MTUS2: variants seen among roughly 807,000 people sequenced by gnomAD.
MTUS2 encodes microtubule associated scaffold protein 2.
In MTUS2, 40 loss-of-function variants were observed where a neutral mutation model predicts 114.1. That is an observed-to-expected ratio of 0.35 (90% CI 0.27 to 0.46). The LOEUF (loss-of-function observed/expected upper bound fraction) is 0.46, where lower values mean the gene tolerates loss of function less well. MTUS2 is among the 20% of genes least tolerant of loss of function. The pLI, the probability that MTUS2 is intolerant of heterozygous loss-of-function variation, is 1.00. For synonymous variants in MTUS2, 688 were observed against 672.0 expected, an observed-to-expected ratio of 1.02 and a Z score of -0.37; for missense variants, 1,679 against 1,705.4, an observed-to-expected ratio of 0.98 and a Z score of 0.27.
At chr13:29,135,564 T>C (rs1891944062) in intron 5 of MTUS2, among the ~76,000 whole-genome samples, 2 of 152,184 alleles carry the variant, frequency 1.3e-5, no homozygotes, top group African/African-American at 4.8e-5. Context: ...AGTTCTGCCA[T>C]TTTGTTATTT....
chr13:29,063,772 T>C (rs1011176039), intron 4 of MTUS2, among the ~76,000 whole-genome samples: 1 of 152,224 alleles, frequency 6.6e-6, no homozygotes, highest in African/African-American at 2.4e-5. Context: ...TCAGTATTTC[T>C]GGTATAAGAA....
chr13:29,120,364 A>G (rs1220227841), intron 5 of MTUS2, among the ~76,000 whole-genome samples: 1 of 152,110 alleles, frequency 6.6e-6, no homozygotes, highest in Non-Finnish European at 1.5e-5. Flanking sequence ...TTGTAATAGT[A>G]AAATATATTT....
intron 5 of MTUS2, among the ~76,000 whole-genome samples, chr13:29,257,845 A>G (rs544336992): frequency 5.9e-5 from 9 of 152,314 alleles, no homozygotes; most frequent in African/African-American, 2.2e-4. Flanking sequence ...AGCATATAGT[A>G]GTGGATCCAT....
intron 5 of MTUS2, among the ~76,000 whole-genome samples, chr13:29,189,071 C>T (rs1894340786): frequency 1.3e-5 from 2 of 152,198 alleles, no homozygotes; most frequent in Admixed American, 6.5e-5. Context: ...GGAAGCTCCT[C>T]TGTGTCCAGC....
chr13:29,435,880 G>A (rs1294230697), intron 8 of MTUS2, among the ~76,000 whole-genome samples: 1 of 152,230 alleles, frequency 6.6e-6, no homozygotes, highest in East Asian at 1.9e-4. Context: ...ATCTTCAGCA[G>A]CAACATATTC....
At chr13:28,925,506 T>C (rs1391331184) in intron 2 of MTUS2, among the ~76,000 whole-genome samples, 1 of 152,248 alleles carries the variant, frequency 6.6e-6, no homozygotes, top group East Asian at 1.9e-4. Context: ...ACTAAATTTC[T>C]AGTACTATCT....
chr13:29,240,390 G>T (rs1449118590), intron 5 of MTUS2, among the ~76,000 whole-genome samples: 1 of 152,160 alleles, frequency 6.6e-6, no homozygotes, highest in East Asian at 1.9e-4. Flanking sequence ...TAAAACCCCA[G>T]CTACCAGATG....
At chr13:29,293,190 G>T (rs1167791236) in intron 6 of MTUS2, among the ~76,000 whole-genome samples, 4 of 152,158 alleles carry the variant, frequency 2.6e-5, no homozygotes, top group Admixed American at 2.6e-4. Flanking sequence ...TAAACTGATA[G>T]AAAATGCTGC....
chr13:28,892,818 A>G (rs758175095), intron 2 of MTUS2, among the ~76,000 whole-genome samples: 8 of 152,212 alleles, frequency 5.3e-5, no homozygotes, highest in Non-Finnish European at 8.8e-5. Context: ...ACTCTAAAAC[A>G]AGGCAGAAAG....
intron 2 of MTUS2, among the ~76,000 whole-genome samples, chr13:28,911,198 A>G (rs1265481199): frequency 1.1e-4 from 12 of 104,962 alleles, no homozygotes; most frequent in African/African-American, 4.7e-4. Flanking sequence ...TTTTTTTCAG[A>G]TGGAGTCCTG....
At chr13:29,133,751 G>A (rs1366137673) in intron 5 of MTUS2, among the ~76,000 whole-genome samples, 2 of 152,180 alleles carry the variant, frequency 1.3e-5, no homozygotes, top group Non-Finnish European at 2.9e-5. Context: ...GATTACTGGG[G>A]ATTTGGAGTA....
chr13:29,255,077 C>A (rs1226317410), intron 5 of MTUS2, among the ~76,000 whole-genome samples: 1 of 152,130 alleles, frequency 6.6e-6, no homozygotes, highest in African/African-American at 2.4e-5. Flanking sequence ...AGTGATTTTT[C>A]CCAGCGGTGC....
chr13:29,018,012 AT>A (rs1886137454), intron 2 of MTUS2, among the ~76,000 whole-genome samples: 1 of 152,250 alleles, frequency 6.6e-6, no homozygotes, highest in Non-Finnish European at 1.5e-5. Flanking sequence ...AGATCTGTGG[AT>A]TCAGGACACA....
At chr13:29,449,909 C>T (rs1365032557) in intron 9 of MTUS2, among the ~76,000 whole-genome samples, 3 of 152,210 alleles carry the variant, frequency 2.0e-5, no homozygotes, top group African/African-American at 7.2e-5. Flanking sequence ...CTGTTCATTT[C>T]TCTCTTACAT....
chr13:28,968,838 G>C (rs576294162), intron 2 of MTUS2, among the ~76,000 whole-genome samples: 1 of 151,996 alleles, frequency 6.6e-6, no homozygotes, highest in South Asian at 2.1e-4. Flanking sequence ...TCATGTAAAG[G>C]ATTAAAAAGT....
intron 4 of MTUS2, among the ~76,000 whole-genome samples, chr13:29,068,323 C>T (rs1396467081): frequency 6.6e-6 from 1 of 152,216 alleles, no homozygotes; most frequent in Non-Finnish European, 1.5e-5. Context: ...ACTTTCATTG[C>T]AACTCAGCAT....
chr13:29,280,551 C>A (rs1380894552), intron 5 of MTUS2, among the ~76,000 whole-genome samples: 1 of 152,114 alleles, frequency 6.6e-6, no homozygotes, highest in Non-Finnish European at 1.5e-5. Context: ...AACACTAAAG[C>A]CATTTTAATA....
intron 2 of MTUS2, 132 bp downstream of exon 2, chr13:28,839,982 ATAT>A (rs1032502374): frequency 8.7e-5 from 13 of 149,426 alleles, no homozygotes; most frequent in African/African-American, 3.2e-4. Flanking sequence ...TTTTAAAGTG[ATAT>A]TATTAATGAA....
At chr13:29,171,150 G>GTA (rs1893542700) in intron 5 of MTUS2, among the ~76,000 whole-genome samples, 1 of 151,774 alleles carries the variant, frequency 6.6e-6, no homozygotes, top group Admixed American at 6.6e-5. Flanking sequence ...GAGTGTGTGT[G>GTA]TGTGTGTGTA....
Sources: gnomAD v4.1 joint callset for allele counts (sites outside exome capture counted in the v4.1 genomes callset) on GRCh38, gnomAD v4.1.1 for gene constraint, MANE v1.5 for transcripts, NCBI Gene and HGNC (gene_info 2026-07-23, HGNC 2026-07-21) for gene names.